Variants in LAMA5 observed in about 807,000 individuals in gnomAD.
LAMA5 encodes laminin subunit alpha 5, also known as laminin subunit alpha-5.
Under a neutral mutation model 433.4 loss-of-function variants are expected in LAMA5, and 260 were observed. That is an observed-to-expected ratio of 0.60 (90% confidence interval 0.54 to 0.66). LAMA5 has a LOEUF of 0.66. Among genes scored for constraint, LAMA5 ranks in the 30% least tolerant of loss-of-function variants. LAMA5 has a pLI of 0.00. For synonymous variants in LAMA5, 2,620 were observed against 2,226.6 expected, an observed-to-expected ratio of 1.18 and a Z score of -4.97; for missense variants, 5,378 against 5,258.5, an observed-to-expected ratio of 1.02 and a Z score of -0.70.
At chr20:62,311,579 C>T in intron 71 of LAMA5, 35 bp downstream of exon 71, 4 of 1,609,386 alleles carry the variant, frequency 2.5e-6, no homozygotes, top group South Asian at 1.1e-5. Flanking sequence ...GGAAGGCCAG[C>T]TGGGACCTTG....
chr20:62,349,640 C>A, intron 6 of LAMA5, among the ~76,000 whole-genome samples: 1 of 23,122 alleles, frequency 4.3e-5, no homozygotes, highest in Non-Finnish European at 1.1e-4. Context: ...AAGCAGCAAC[C>A]CAGGGGATGG....
In LAMA5 at chr20:62,345,825, C is replaced by G; in HGVS notation, c.1470G>C (p.Gln490His). 6.4e-7 allele frequency: 1 copy of G among 1,551,246 alleles called. No individual in the cohort carries two copies. Among genetic ancestry groups the G allele is most frequent in the Non-Finnish European group, 8.7e-7 (1 of 1,147,184 alleles). ...GGCCTCAAGGACACTTACTCACAAT[C>G]TGGCCGGCTGGCAGCACCTGCTCCC... is the stretch of plus-strand genomic sequence containing the variant. ...DTREQVLPAG[Q>H]IVNCDCSAAG... is the part of the protein sequence containing the mutation. The change falls in exon 11 of 80, where the codon CAG (glutamine) becomes CAC (histidine). Residue 490 changes from glutamine (Q) to histidine (H), a missense_variant. Transcript: ENST00000252999.
rs1273308133 is a variant in LAMA5, at chr20:62,316,938, G to A, written c.7597C>T (p.Gln2533Ter). The part of the protein sequence containing the change: ...NAYSRILQAV[Q>*]AAEDAAGQAL... ...TGGCCAGCAGCATCCTCGGCAGCCT[G>A]CACGGCCTGCAGGATGCGGCTGTAG... Residue 2533 changes from glutamine to a stop codon, truncating the protein, a stop_gained, in exon 56 of 80, where the codon CAG becomes TAG. Coordinates refer to ENST00000252999, the MANE Select transcript of LAMA5 (RefSeq NM_005560.6). LOFTEE classifies it high-confidence loss of function. 6.4e-7 allele frequency: 1 copy of A among 1,562,646 alleles called. No individual in the cohort carries two copies. Among genetic ancestry groups the A allele is most frequent in the South Asian group, 1.2e-5 (1 of 85,942 alleles).
chr20:62,328,747 A>G (rs1483013201), intron 34 of LAMA5, 97 bp downstream of exon 34: 11 of 1,240,894 alleles, frequency 8.9e-6, no homozygotes, highest in South Asian at 2.7e-5. Flanking sequence ...GCCAGGCTCT[A>G]GAACATTCTC....
At chr20:62,315,877 T>C in intron 58 of LAMA5, 71 bp downstream of exon 58, 1 of 1,185,550 alleles carries the variant, frequency 8.4e-7, no homozygotes, top group Non-Finnish European at 1.2e-6. Flanking sequence ...ACCAACCACA[T>C]GTGGCCAGCG....
At position 62,367,047 on chromosome 20, in the gene LAMA5, C is replaced by A; in HGVS notation, c.199G>T (p.Glu67Ter). The change falls in exon 1 of 80, where the codon GAG (glutamate) becomes TAG (stop). Residue 67 changes from glutamate to a stop codon, truncating the protein, a stop_gained. Transcript: ENST00000252999. LOFTEE classifies it high-confidence loss of function. ...RIAASATCGEEAPARGSPRPT... is the reference protein window; with the variant it reads ...RIAASATCGE ...CGCGGGGAGCCGCGCGCCGGGGCCT[C>A]CTCTCCGCAGGTCGCGGAGGCGGCG... 7.9e-7 allele frequency: 1 copy of A among 1,268,294 alleles called. No homozygotes were observed. Among genetic ancestry groups the A allele is most frequent in the East Asian group, 3.1e-5 (1 of 32,576 alleles). The allele number at this position is 1,268,294 out of a possible 1,614,324, so 78.6% of individuals were successfully genotyped here.
intron 16 of LAMA5, 200 bp from the exon 17 acceptor site, chr20:62,336,986 C>A (rs1200791595): frequency 2.9e-6 from 2 of 694,898 alleles, no homozygotes; most frequent in Admixed American, 4.0e-5. Flanking sequence ...CCACACAGCA[C>A]CTGCTCATGG....
rs1986848464 is a variant in LAMA5 at position 62,367,294 on chromosome 20, G to C, written c.-49C>G. The C allele has an allele frequency of 8.9e-7, 1 of 1,128,108 alleles. No individual in the cohort carries two copies. Among genetic ancestry groups the C allele is most frequent in the African/African-American group, 1.6e-5 (1 of 60,716 alleles). The allele number at this position is 1,128,108 out of a possible 1,614,324, so 69.9% of individuals were successfully genotyped here. The stretch of plus-strand genomic sequence containing the variant: ...CCGAGCTCCAGGGACAGCGCGCGCG[G>C]CGGGAGCCCGGCGGGTCTGAAGCCA... On this transcript the variant is annotated 5_prime_UTR_variant, in exon 1 of 80. Coordinates refer to ENST00000252999, the MANE Select transcript of LAMA5 (RefSeq NM_005560.6).
rs767739788 is a variant in LAMA5 at position 62,323,504 on chromosome 20, A to C, written c.6016T>G (p.Cys2006Gly). Residue 2006 changes from cysteine to glycine, a missense_variant, in exon 45 of 80, where the codon TGT (cysteine) becomes GGT (glycine). Physicochemically the swap from Cys to Gly is radical, Grantham distance 159. Transcript: ENST00000252999. ...RHTTGPRCEI[C>G]APGFYGNALL... is the part of the protein sequence containing the mutation. ...GCGTTGCCGTAGAAGCCGGGGGCAC[A>C]GATCTCGCAGCGGGGCCCAGTGGTG... 1.9e-6 allele frequency: 3 copies of C among 1,561,922 alleles called. No homozygotes were observed. The highest frequency in any genetic ancestry group is 2.6e-6 in the Non-Finnish European group (3 of 1,155,742).
At chr20:62,347,108 T>C (rs1362231078) in intron 6 of LAMA5, 80 bp from the exon 7 acceptor site, 3 of 1,062,864 alleles carry the variant, frequency 2.8e-6, no homozygotes, top group Admixed American at 2.0e-5. Context: ...TGAAGGGGCC[T>C]GTGATCCCCT....
chr20:62,313,341 G>C lies in LAMA5; in HGVS notation c.8778C>G (p.Asp2926Glu). ...ERTFQLDTAVDRPCARSKSTG... is the reference protein window; with the variant it reads ...ERTFQLDTAVERPCARSKSTG... ...GCCACACGCACCGGGCACAAGGCCT[G>C]TCCACAGCCGTGTCCAGCTGGAAGG... is the stretch of plus-strand genomic sequence containing the variant. Residue 2926 changes from aspartate (D) to glutamate (E), a missense_variant, in exon 64 of 80, where the codon GAC (aspartate) becomes GAG (glutamate). By Grantham distance (45) the Asp-to-Glu change is conservative. Transcript: ENST00000252999. 1.9e-6 allele frequency: 3 copies of C among 1,564,402 alleles called. No homozygotes were observed. Among genetic ancestry groups the C allele is most frequent in the Non-Finnish European group, 2.6e-6 (3 of 1,155,066 alleles).
chr20:62,352,603 C>G (rs1426207373), intron 3 of LAMA5, among the ~76,000 whole-genome samples: 1 of 152,154 alleles, frequency 6.6e-6, no homozygotes, highest in Non-Finnish European at 1.5e-5. Flanking sequence ...ATCCTCACCC[C>G]CTTCCTTGGG....
At chr20:62,356,507 G>A (rs377242666) in intron 2 of LAMA5, 1 of 152,316 alleles carries the variant, frequency 6.6e-6, no homozygotes, top group South Asian at 2.1e-4. Flanking sequence ...TTAAAAATCG[G>A]CTATTTTGGG....
In LAMA5 at chr20:62,328,455, G is replaced by C. The variant is rs748627994; in HGVS notation, c.4448-10C>G. On this transcript the variant is annotated splice_polypyrimidine_tract_variant and intron_variant, in intron 34 of 79. Coordinates refer to ENST00000252999, the MANE Select transcript of LAMA5 (RefSeq NM_005560.6). ...GCACCGCAGTCACAGGCTGTGGGGCGGGTACAGGGTTTACTGACCCCTCTT... is the reference window on the plus strand; with the variant it reads ...GCACCGCAGTCACAGGCTGTGGGGCCGGTACAGGGTTTACTGACCCCTCTT... 1.1e-5 allele frequency: 17 copies of C among 1,479,310 alleles called. No individual in the cohort carries two copies. The South Asian group carries it at 2.0e-4, about 18-fold the overall frequency. 91.6% of individuals were successfully genotyped at this position (1,479,310 alleles called of 1,614,324 possible).
chr20:62,363,707 C>G lies in LAMA5; in HGVS notation c.298-1155G>C, dbSNP rs545090133. 5.3e-5 allele frequency among the ~76,000 whole-genome samples: 8 copies of G among 152,136 alleles called. No individual in the cohort carries two copies. The South Asian group carries it at 6.2e-4, about 12-fold the overall frequency. ...TTTGAGAAAGTCAGCGGCCCTACCCCGCCCAGCCTCCCTTGGGGGGCCAGA... is the reference window on the plus strand; with the variant it reads ...TTTGAGAAAGTCAGCGGCCCTACCCGGCCCAGCCTCCCTTGGGGGGCCAGA... On this transcript the variant is annotated intron_variant, in intron 1 of 79. Coordinates refer to ENST00000252999, the MANE Select transcript of LAMA5 (RefSeq NM_005560.6).
chr20:62,344,374 T>C (rs1846437468), intron 11 of LAMA5, among the ~76,000 whole-genome samples: 1 of 152,088 alleles, frequency 6.6e-6, no homozygotes, highest in African/African-American at 2.4e-5. Context: ...CCAAGAGTGA[T>C]AGACTGCTAT....
intron 2 of LAMA5, among the ~76,000 whole-genome samples, chr20:62,358,588 G>A (rs886741595): frequency 6.6e-6 from 1 of 152,206 alleles, no homozygotes; most frequent in African/African-American, 2.4e-5. Context: ...CCTGAAGGGT[G>A]AGGCAGCCTG....
chr20:62,315,116 C>T lies in LAMA5; in HGVS notation c.7959G>A (p.Met2653Ile). 6.2e-7 allele frequency: 1 copy of T among 1,608,728 alleles called. No homozygotes were observed. Residue 2653 changes from methionine to isoleucine, a missense_variant, in exon 59 of 80, where the codon ATG becomes ATA. By Grantham distance (10) the Met-to-Ile change is conservative (BLOSUM62 1). Transcript: ENST00000252999. ...CCTGCCACCGCTCCACATTCTCCTG[C>T]ATGGCCTGCAGCTGGGACTGCACAC... is the stretch of plus-strand genomic sequence containing the variant. ...ATRVQSQLQA[M>I]QENVERWQGQ...
rs770057921 is a variant in LAMA5, at chr20:62,323,776, C to T, written c.5849G>A (p.Arg1950Gln). 12 of 1,609,250 alleles carry T rather than the reference C, an allele frequency of 7.5e-6. No homozygotes were observed. The highest frequency in any genetic ancestry group is 2.2e-5 in the East Asian group (1 of 44,708). ...KPGYAGASCE[R>Q]CAPGFFGNPL... ...CCCCACTGCCCTAGCCCCAGCTCAC[C>T]GCTCGCAGGAGGCACCTGCATAACC... The change falls in exon 44 of 80, where the codon CGG (arginine) becomes CAG (glutamine). Residue 1950 changes from arginine (R) to glutamine (Q), a missense_variant and splice_region_variant. Coordinates refer to ENST00000252999, the MANE Select transcript of LAMA5 (RefSeq NM_005560.6).
Sources: gnomAD v4.1 joint callset for allele counts (sites outside exome capture counted in the v4.1 genomes callset) on GRCh38, gnomAD v4.1.1 for gene constraint, MANE v1.5 for transcripts, NCBI Gene and HGNC (gene_info 2026-07-23, HGNC 2026-07-21) for gene names.